Variants in RBM25 observed in about 807,000 individuals in gnomAD.
The protein encoded by RBM25 is RNA-binding protein 25.
In RBM25, 19 loss-of-function variants were observed where a neutral mutation model predicts 120.7. The ratio of observed to expected loss-of-function variants is 0.16; its 90% CI spans 0.11 to 0.23. The LOEUF is 0.23. RBM25 is among the 10% of genes least tolerant of loss of function. RBM25 has a pLI of 1.00. For missense variants in RBM25, 605 were observed against 1,041.5 expected (o/e 0.58, Z 5.77); for synonymous variants, 390 against 326.7 (o/e 1.19, Z -2.09).
rs746830704 is a variant in RBM25 at position 73,086,259 on chromosome 14, G to A, written c.383-1742G>A. Among the ~76,000 whole-genome samples, 29 of 152,020 alleles carry A rather than the reference G, an allele frequency of 1.9e-4. 1 individual carries two copies. Among genetic ancestry groups the A allele is most frequent in the Admixed American group, 6.6e-4 (10 of 15,234 alleles). On this transcript the variant is annotated intron_variant, in intron 5 of 18. Transcript: ENST00000261973. ...TCAAGACCATCCTGGCCAACATGGTGAAACCCTGTCTCTACTAAAAATACA... is the reference window on the plus strand; with the variant it reads ...TCAAGACCATCCTGGCCAACATGGTAAAACCCTGTCTCTACTAAAAATACA...
At chr14:73,081,873 G>A (rs1483592065) in intron 4 of RBM25, among the ~76,000 whole-genome samples, 2 of 152,118 alleles carry the variant, frequency 1.3e-5, no homozygotes, top group South Asian at 2.1e-4. Flanking sequence ...CTCCTAGTGA[G>A]GATTTGACTG....
Position 73,119,962 on chromosome 14 carries a change from G to T in RBM25, c.*157G>T. 1 of 1,097,068 alleles carries T rather than the reference G, an allele frequency of 9.1e-7. No individual in the cohort carries two copies. The highest frequency in any genetic ancestry group is 1.2e-6 in the Non-Finnish European group (1 of 815,022). 68.0% of individuals were successfully genotyped at this position (1,097,068 alleles called of 1,614,324 possible). A position where few individuals can be genotyped will look rare whatever the true frequency, so the allele number is the denominator to read the frequency against. On this transcript the variant is annotated 3_prime_UTR_variant, in exon 19 of 19. Transcript: ENST00000261973. ...TGGTCCTCTAATTTGTTGTTGCCCTGTGTACTCCCTTGGTTGTAAAGTCAT... is the reference window on the plus strand; with the variant it reads ...TGGTCCTCTAATTTGTTGTTGCCCTTTGTACTCCCTTGGTTGTAAAGTCAT...
chr14:73,103,449 A>G lies in RBM25; in HGVS notation c.1125A>G (p.Ser375=). The change falls in exon 10 of 19, where the codon TCA becomes TCG. Residue 375 remains serine (S), a synonymous_variant. Coordinates refer to ENST00000261973, the MANE Select transcript of RBM25 (RefSeq NM_021239.3). ...GTGACCGGGATAGAGAAAGGAGCTC[A>G]GATCGTAATAAGGATCGCAGTCGAT... is the stretch of plus-strand genomic sequence containing the variant. ...RDRDRDRERS[S]DRNKDRSRSR... is the part of the protein sequence containing the mutation. The G allele has an allele frequency of 1.2e-6, 2 of 1,607,112 alleles. No homozygotes were observed. Among genetic ancestry groups the G allele is most frequent in the South Asian group, 1.1e-5 (1 of 89,940 alleles).
chr14:73,098,490 T>G (rs991138281), intron 7 of RBM25, among the ~76,000 whole-genome samples: 16 of 152,192 alleles, frequency 1.1e-4, no homozygotes, highest in African/African-American at 3.6e-4. Context: ...ATATATATTA[T>G]GATTAGTTAT....
At chr14:73,071,539 A>G (rs1458419613) in intron 1 of RBM25, 88 bp from the exon 2 acceptor site, 1 of 910,666 alleles carries the variant, frequency 1.1e-6, no homozygotes. Flanking sequence ...AATTTTGCAG[A>G]TACTCTAAAA....
Position 73,097,109 on chromosome 14 carries a change from T to G in RBM25, c.729+9T>G. The stretch of plus-strand genomic sequence containing the variant: ...AGGAAAAGAAGGAGGACGTATGTGT[T>G]CTGACAACAACATATCATTTCTACC... On this transcript the variant is annotated intron_variant, in intron 7 of 18. Transcript: ENST00000261973. 6.3e-7 allele frequency: 1 copy of G among 1,595,842 alleles called. No homozygotes were observed. Among genetic ancestry groups the G allele is most frequent in the Non-Finnish European group, 8.5e-7 (1 of 1,171,568 alleles).
chr14:73,100,313 G>A (rs1896032476), intron 9 of RBM25: 1 of 691,142 alleles, frequency 1.4e-6, no homozygotes, highest in Admixed American at 2.0e-5. Flanking sequence ...ATCATATGGT[G>A]ACTAATGCAA....
Position 73,106,069 on chromosome 14 carries a change from TG to T in RBM25, c.1366del (p.Ala456LeufsTer41). On this transcript the variant is annotated frameshift_variant, in exon 11 of 19. Coordinates refer to ENST00000261973, the MANE Select transcript of RBM25 (RefSeq NM_021239.3). LOFTEE classifies it high-confidence loss of function. ...LERKLREKEA[A>X]YQERLKNWEI... is the part of the protein sequence containing the mutation. Reference sequence around the variant, plus strand: ...AAAGAAAACTCCGAGAGAAAGAAGCTGCTTATCAAGAGGTAAGTTGAGAAAA... The same window carrying T: ...AAAGAAAACTCCGAGAGAAAGAAGCTCTTATCAAGAGGTAAGTTGAGAAAA... 1 of 1,608,220 alleles carries T rather than the reference TG, an allele frequency of 6.2e-7. No homozygotes were observed. Among genetic ancestry groups the T allele is most frequent in the Non-Finnish European group, 8.5e-7 (1 of 1,178,770 alleles).
At chr14:73,082,637 C>G (rs1472262787) in intron 4 of RBM25, among the ~76,000 whole-genome samples, 1 of 152,180 alleles carries the variant, frequency 6.6e-6, no homozygotes, top group Non-Finnish European at 1.5e-5. Flanking sequence ...ATAACCTGCC[C>G]TCCTTCACAT....
intron 2 of RBM25, among the ~76,000 whole-genome samples, chr14:73,073,509 A>G (rs114831690): frequency 0.023 from 3,442 of 152,278 alleles, 133 homozygotes; most frequent in African/African-American, 0.076. Flanking sequence ...CCAACGTGGC[A>G]AAATGCCATC....
intron 13 of RBM25, chr14:73,109,051 C>G (rs1268583855): frequency 5.6e-6 from 1 of 179,276 alleles, no homozygotes; most frequent in African/African-American, 2.4e-5. Flanking sequence ...GTGAAATAGG[C>G]ACAAAGTGTG....
intron 4 of RBM25, among the ~76,000 whole-genome samples, chr14:73,078,281 C>T (rs758613026): frequency 4.6e-5 from 7 of 151,446 alleles, no homozygotes; most frequent in Admixed American, 1.3e-4. Context: ...CCACCCTGGG[C>T]GACAGAGCGA....
chr14:73,105,569 A>G (rs1404345413), intron 10 of RBM25, among the ~76,000 whole-genome samples: 9 of 152,228 alleles, frequency 5.9e-5, no homozygotes. Flanking sequence ...TATGATGGGC[A>G]TTAACTAACC....
Position 73,122,667 on chromosome 14 carries a change from A to G in RBM25, c.*2862A>G, listed in dbSNP as rs1321568474. On this transcript the variant is annotated 3_prime_UTR_variant, in exon 19 of 19. Coordinates refer to ENST00000261973, the MANE Select transcript of RBM25 (RefSeq NM_021239.3). Reference sequence around the variant, plus strand: ...ATTTGTCCCTAAAAATAAAGTATGTACATCTGTTCACAAGGAAGAAAGGTA... The same window carrying G: ...ATTTGTCCCTAAAAATAAAGTATGTGCATCTGTTCACAAGGAAGAAAGGTA... 1 of 152,178 alleles carries G rather than the reference A, an allele frequency of 6.6e-6. No homozygotes were observed. Among genetic ancestry groups the G allele is most frequent in the Non-Finnish European group, 1.5e-5 (1 of 68,024 alleles). The allele number at this position is 152,178 out of a possible 1,614,324, so 9.4% of individuals were successfully genotyped here. A position where few individuals can be genotyped will look rare whatever the true frequency, so the allele number is the denominator to read the frequency against.
At chr14:73,068,445 C>T in intron 1 of RBM25, 2 of 712,234 alleles carry the variant, frequency 2.8e-6, no homozygotes, top group Non-Finnish European at 5.0e-6. Context: ...AGACTACCAG[C>T]TGTATTATCA....
chr14:73,067,895 G>T (rs947071254), intron 1 of RBM25, among the ~76,000 whole-genome samples: 2 of 151,744 alleles, frequency 1.3e-5, no homozygotes, highest in African/African-American at 4.8e-5. Flanking sequence ...CACCGCGCCC[G>T]GCCTGTATTT....
chr14:73,106,559 A>C (rs1389628686), intron 12 of RBM25, among the ~76,000 whole-genome samples: 2 of 152,138 alleles, frequency 1.3e-5, no homozygotes, highest in African/African-American at 4.8e-5. Context: ...TTATTAACTT[A>C]TTTTTAAGAA....
Position 73,076,361 on chromosome 14 carries a change from C to G in RBM25, c.149C>G (p.Ala50Gly), listed in dbSNP as rs750525810. Residue 50 changes from alanine (A) to glycine (G), a missense_variant, in exon 3 of 19, where the codon GCT becomes GGT. Ala to Gly is a moderately conservative substitution (Grantham distance 60). This residue lies in a region of RBM25 where 90 missense variants were observed against 107.3 expected (regional missense o/e 0.84). Coordinates refer to ENST00000261973, the MANE Select transcript of RBM25 (RefSeq NM_021239.3). ...GTACCAATGAGCATTATGGCTCCTG[C>G]TCCAACTGTAAGTATAACTTAAAGG... is the stretch of plus-strand genomic sequence containing the variant. ...IPVPMSIMAP[A>G]PTVLVPTVSM... The G allele has an allele frequency of 6.2e-7, 1 of 1,611,516 alleles. No individual in the cohort carries two copies. Among genetic ancestry groups the G allele is most frequent in the South Asian group, 1.1e-5 (1 of 91,020 alleles).
At chr14:73,079,534 C>G (rs1478387584) in intron 4 of RBM25, among the ~76,000 whole-genome samples, 1 of 150,564 alleles carries the variant, frequency 6.6e-6, no homozygotes, top group East Asian at 1.9e-4. Context: ...TCTGTAAGGA[C>G]AGGGCCAGGG....
Sources: gnomAD v4.1 joint callset for allele counts (sites outside exome capture counted in the v4.1 genomes callset) on GRCh38, gnomAD v4.1.1 for gene constraint, gnomAD v4.1.1 regional missense constraint, MANE v1.5 for transcripts, NCBI Gene and HGNC (gene_info 2026-07-23, HGNC 2026-07-21) for gene names.